Variants in CCDC122 observed in about 807,000 individuals in gnomAD.
CCDC122 encodes coiled-coil domain containing 122.
A neutral mutation model predicts 37.0 loss-of-function variants in CCDC122; 38 were observed. The observed-to-expected ratio is 1.03, with a 90% CI of 0.79 to 1.35. The LOEUF (loss-of-function observed/expected upper bound fraction) is 1.35. Ranked by LOEUF, CCDC122 falls within the 40% of genes most tolerant of loss-of-function variation. The pLI is 0.00. For missense variants in CCDC122, 305 were observed against 310.0 expected, an observed-to-expected ratio of 0.98 and a Z score of 0.12; for synonymous variants, 83 against 95.6, an observed-to-expected ratio of 0.87 and a Z score of 0.77.
intron 3 of CCDC122, 38 bp downstream of exon 3, chr13:43,869,293 A>G (rs1311379167): frequency 6.7e-7 from 1 of 1,486,274 alleles, no homozygotes; most frequent in Admixed American, 1.7e-5. Context: ...GTTGTTGCTG[A>G]TCTTTTAATT....
chr13:43,868,843 A>T (rs1260419282), intron 3 of CCDC122, 40 bp from the exon 4 acceptor site: 9 of 883,858 alleles, frequency 1.0e-5, no homozygotes, highest in Non-Finnish European at 1.1e-5. Flanking sequence ...AATAAAAATT[A>T]AAATACAGCC....
intron 6 of CCDC122, among the ~76,000 whole-genome samples, chr13:43,857,846 T>A (rs1204767855): frequency 6.6e-6 from 1 of 152,158 alleles, no homozygotes; most frequent in Non-Finnish European, 1.5e-5. Flanking sequence ...GAGGCGGCAG[T>A]GAGCTGAGAT....
intron 4 of CCDC122, among the ~76,000 whole-genome samples, chr13:43,863,604 G>A (rs1354081478): frequency 1.3e-5 from 2 of 152,154 alleles, no homozygotes; most frequent in Non-Finnish European, 2.9e-5. Context: ...AGGTCTGAGA[G>A]TTCCAGGCCT....
intron 4 of CCDC122, among the ~76,000 whole-genome samples, chr13:43,860,479 C>T (rs568879084): frequency 1.3e-5 from 2 of 152,160 alleles, no homozygotes; most frequent in Admixed American, 6.6e-5. Flanking sequence ...TTTACTACTT[C>T]GTATGATCAT....
At chr13:43,841,289 G>A (rs1214335303) in intron 6 of CCDC122, among the ~76,000 whole-genome samples, 2 of 152,272 alleles carry the variant, frequency 1.3e-5, no homozygotes, top group Non-Finnish European at 1.5e-5. Context: ...GCAGGTATAT[G>A]CTAACTTTTT....
At chr13:43,828,563 C>T (rs1051506705) in intron 3 of CCDC122, among the ~76,000 whole-genome samples, 8 of 85,892 alleles carry the variant, frequency 9.3e-5, no homozygotes, top group African/African-American at 4.6e-4. Flanking sequence ...GATACACACA[C>T]ACACACACAC....
At chr13:43,819,677 A>C (rs1266002233), downstream of CCDC122, among the ~76,000 whole-genome samples, 1 of 152,158 alleles carries the variant, frequency 6.6e-6, no homozygotes, top group Non-Finnish European at 1.5e-5. Context: ...TGAAATAATG[A>C]ATCAAAAAAA....
downstream of CCDC122, among the ~76,000 whole-genome samples, chr13:43,819,607 C>A (rs746028763): frequency 1.3e-5 from 2 of 151,978 alleles, no homozygotes. Context: ...GCCTATACTA[C>A]GCTACTTTTT....
At chr13:43,879,463 T>C (rs1367141349) in intron 1 of CCDC122, 168 bp downstream of exon 1, 3 of 152,498 alleles carry the variant, frequency 2.0e-5, no homozygotes, top group Non-Finnish European at 4.4e-5. Flanking sequence ...CTGGTTCCTG[T>C]TCCTCTAACG....
chr13:43,849,630 C>G (rs1251476721), intron 6 of CCDC122, among the ~76,000 whole-genome samples: 1 of 152,074 alleles, frequency 6.6e-6, no homozygotes, highest in Admixed American at 6.5e-5. Flanking sequence ...TCTATCTAGC[C>G]AAAAGATAAG....
chr13:43,832,919 A>G (rs758873225), downstream of CCDC122, among the ~76,000 whole-genome samples: 42 of 152,216 alleles, frequency 2.8e-4, no homozygotes, highest in Non-Finnish European at 5.3e-4. Context: ...ATTGTCAAAC[A>G]GGGCACAGCA....
downstream of CCDC122, among the ~76,000 whole-genome samples, chr13:43,820,612 A>G (rs988613329): frequency 1.3e-5 from 2 of 152,236 alleles, no homozygotes; most frequent in African/African-American, 4.8e-5. Context: ...TTACCTTTGA[A>G]TATGGCTAGA....
At chr13:43,853,903 ATTATGAAATTAAGGCAGAAATCAAGAAG>A (rs1953823961) in intron 6 of CCDC122, among the ~76,000 whole-genome samples, 1 of 152,238 alleles carries the variant, frequency 6.6e-6, no homozygotes, top group Non-Finnish European at 1.5e-5. Context: ...TTTTGAGTAA[ATTATGAAATTAAGGCAGAAATCAAGAAG>A]TTATTTGAAA....
chr13:43,863,163 CTG>C (rs1408102883), intron 4 of CCDC122, among the ~76,000 whole-genome samples: 6 of 152,134 alleles, frequency 3.9e-5, no homozygotes, highest in Admixed American at 6.5e-5. Flanking sequence ...TCCTGATACT[CTG>C]TAAATTCATT....
At chr13:43,832,019 A>G (rs79060046), downstream of CCDC122, among the ~76,000 whole-genome samples, 992 of 151,812 alleles carry the variant, frequency 6.5e-3, 37 homozygotes, top group South Asian at 0.098. Flanking sequence ...GTCTGTTTCA[A>G]TTTATCTTTC....
At chr13:43,840,316 G>A (rs1953301553) in intron 6 of CCDC122, among the ~76,000 whole-genome samples, 1 of 152,110 alleles carries the variant, frequency 6.6e-6, no homozygotes, top group Non-Finnish European at 1.5e-5. Flanking sequence ...GGCTGGACAA[G>A]TTATCTATTC....
At chr13:43,843,516 T>C (rs1953424337) in intron 6 of CCDC122, among the ~76,000 whole-genome samples, 1 of 152,024 alleles carries the variant, frequency 6.6e-6, no homozygotes, top group Non-Finnish European at 1.5e-5. Context: ...CTGTAATTTC[T>C]TCTCTGATAG....
chr13:43,876,104 C>T (rs1037410005), intron 1 of CCDC122, among the ~76,000 whole-genome samples: 1 of 152,138 alleles, frequency 6.6e-6, no homozygotes, highest in Admixed American at 6.5e-5. Flanking sequence ...AAGTGAACCA[C>T]CAAAATGTGC....
chr13:43,846,409 T>C (rs930450610), intron 6 of CCDC122, among the ~76,000 whole-genome samples: 3 of 152,232 alleles, frequency 2.0e-5, no homozygotes, highest in Non-Finnish European at 2.9e-5. Context: ...AGTAATGTTT[T>C]ATTACTAACC....
Sources: allele counts gnomAD v4.1 joint callset (sites outside exome capture counted in the v4.1 genomes callset), GRCh38; gene constraint gnomAD v4.1.1; transcripts MANE v1.5; gene names NCBI Gene and HGNC (gene_info 2026-07-23, HGNC 2026-07-21).